RTF2: variants seen among roughly 807,000 people sequenced by gnomAD.
RTF2 encodes the protein replication termination factor 2.
RTF2 carries 18 observed loss-of-function variants against 38.0 expected under a neutral mutation model. The observed-to-expected ratio is 0.47, with a 90% CI of 0.33 to 0.70. RTF2 has a LOEUF of 0.70. RTF2 is among the 30% of genes least tolerant of loss of function. The pLI is 0.02. For synonymous variants in RTF2, 126 were observed against 137.1 expected (o/e 0.92, Z 0.57); for missense variants, 311 against 379.6 (o/e 0.82, Z 1.50).
At chr20:56,516,797 C>A (rs1985067117) in intron 6 of RTF2, 138 bp from the exon 7 acceptor site, 1 of 757,290 alleles carries the variant, frequency 1.3e-6, no homozygotes, top group Non-Finnish European at 2.3e-6. Context: ...CATCAAAAGC[C>A]TTCTTCAGAG....
intron 5 of RTF2, among the ~76,000 whole-genome samples, chr20:56,510,002 A>G (rs1486225997): frequency 1.3e-5 from 2 of 151,446 alleles, no homozygotes; most frequent in African/African-American, 2.4e-5. Context: ...AAAAAAAAAC[A>G]TGTATATTGT....
chr20:56,473,420 A>G (rs1982071560), intron 2 of RTF2, 25 bp downstream of exon 2: 1 of 1,493,276 alleles, frequency 6.7e-7, no homozygotes, highest in Non-Finnish European at 9.2e-7. Context: ...CTTAATCAAG[A>G]TGAGTTTGTT....
intron 8 of RTF2, 108 bp downstream of exon 8, chr20:56,517,309 A>G (rs888364792): frequency 1.2e-5 from 10 of 817,238 alleles, no homozygotes; most frequent in Admixed American, 6.1e-5. Flanking sequence ...AGCCTGTCCT[A>G]TGTCATGTCT....
chr20:56,517,099 T>A lies in RTF2; in HGVS notation c.647-7T>A. On this transcript the variant is annotated splice_region_variant and splice_polypyrimidine_tract_variant and intron_variant, in intron 7 of 8. Transcript: ENST00000357348. Reference sequence around the variant, plus strand: ...TTTTTGCTTTGCCTACTTTGTTTCTTTTACAGAAGCCCCAGGGCCATCAAA... The same window carrying A: ...TTTTTGCTTTGCCTACTTTGTTTCTATTACAGAAGCCCCAGGGCCATCAAA... The A allele has an allele frequency of 6.2e-7, 1 of 1,614,054 alleles. No homozygotes were observed. Among genetic ancestry groups the A allele is most frequent in the Non-Finnish European group, 8.5e-7 (1 of 1,179,932 alleles).
rs1043584284 is a variant in RTF2, at chr20:56,518,447, G to C, written c.*182G>C. ...TGTGAGGCGTGTCGGTTCCAGGGGG[G>C]ACATGGGAGGGGCTGCACAGTGGCC... On this transcript the variant is annotated 3_prime_UTR_variant, in exon 9 of 9. Transcript: ENST00000357348. 1.7e-6 allele frequency: 1 copy of C among 577,528 alleles called. No individual in the cohort carries two copies. Among genetic ancestry groups the C allele is most frequent in the Admixed American group, 3.5e-5 (1 of 28,722 alleles). 35.8% of individuals were successfully genotyped at this position (577,528 alleles called of 1,614,324 possible).
rs994340875 is a variant in RTF2, at chr20:56,518,815, C to G, written c.*550C>G. The G allele has an allele frequency of 6.6e-6, 1 of 152,148 alleles. No homozygotes were observed. Among genetic ancestry groups the G allele is most frequent in the Non-Finnish European group, 1.5e-5 (1 of 68,048 alleles). 9.4% of individuals were successfully genotyped at this position (152,148 alleles called of 1,614,324 possible). A position where few individuals can be genotyped will look rare whatever the true frequency, so the allele number is the denominator to read the frequency against. The stretch of plus-strand genomic sequence containing the variant: ...GGGAGTGTGCCCCATCTCATCATTT[C>G]GAAGATAGCAGAGTCATAGTTGGGC... On this transcript the variant is annotated 3_prime_UTR_variant, in exon 9 of 9. Transcript: ENST00000357348.
At chr20:56,482,637 G>T (rs750357743) in intron 4 of RTF2, among the ~76,000 whole-genome samples, 1 of 152,216 alleles carries the variant, frequency 6.6e-6, no homozygotes, top group Non-Finnish European at 1.5e-5. Flanking sequence ...TAATTTGTAA[G>T]TATCTATAAA....
intron 5 of RTF2, among the ~76,000 whole-genome samples, chr20:56,508,268 AT>A (rs1394240650): frequency 6.6e-6 from 1 of 152,046 alleles, no homozygotes; most frequent in African/African-American, 2.4e-5. Context: ...CATTTGGGAG[AT>A]TCTGGAAAAT....
intron 5 of RTF2, chr20:56,496,798 G>A: frequency 1.3e-6 from 2 of 1,552,058 alleles, no homozygotes; most frequent in Non-Finnish European, 1.7e-6. Flanking sequence ...GTTAAGTTAT[G>A]GGGTGGTTTG....
intron 8 of RTF2, 53 bp downstream of exon 8, chr20:56,517,254 G>A: frequency 6.8e-7 from 1 of 1,463,540 alleles, no homozygotes; most frequent in South Asian, 1.2e-5. Context: ...GGAAACCCAG[G>A]TGGCCGAGTC....
At chr20:56,468,799 G>A (rs191855780) in intron 1 of RTF2, 33 bp downstream of exon 1, 3 of 1,542,738 alleles carry the variant, frequency 1.9e-6, no homozygotes, top group Admixed American at 2.0e-5. Context: ...TGGCGACCGG[G>A]GGTGGTGGGA....
At chr20:56,498,836 A>G (rs951357063) in intron 5 of RTF2, among the ~76,000 whole-genome samples, 1 of 152,178 alleles carries the variant, frequency 6.6e-6, no homozygotes, top group Non-Finnish European at 1.5e-5. Flanking sequence ...TCAGAAGACC[A>G]TGTACGTGTG....
At chr20:56,499,270 C>T (rs576470772) in intron 5 of RTF2, among the ~76,000 whole-genome samples, 1 of 148,198 alleles carries the variant, frequency 6.7e-6, no homozygotes, top group Non-Finnish European at 1.5e-5. Flanking sequence ...GATCTCGGCT[C>T]ACCACAATCT....
At chr20:56,471,418 AG>A (rs1981956752) in intron 1 of RTF2, among the ~76,000 whole-genome samples, 1 of 152,104 alleles carries the variant, frequency 6.6e-6, no homozygotes, top group Non-Finnish European at 1.5e-5. Context: ...AATACAAAAA[AG>A]TTGCCGGGCA....
At chr20:56,497,045 C>T (rs376230577) in intron 5 of RTF2, 2 of 1,551,692 alleles carry the variant, frequency 1.3e-6, no homozygotes, top group Admixed American at 3.9e-5. Context: ...CTAGAACTTT[C>T]ATACAATTAA....
chr20:56,505,203 C>G (rs954216137), intron 5 of RTF2, among the ~76,000 whole-genome samples: 1 of 152,064 alleles, frequency 6.6e-6, no homozygotes. Context: ...GAAACATGTC[C>G]TTGCTGGGTG....
intron 5 of RTF2, chr20:56,491,631 GC>G: frequency 6.4e-7 from 1 of 1,551,902 alleles, no homozygotes; most frequent in Middle Eastern, 1.7e-4. Context: ...ACTTCTGCCT[GC>G]CTCAGCACTT....
Position 56,489,226 on chromosome 20 carries a change from T to TG in RTF2, c.477+5037_477+5038insG, listed in dbSNP as rs1050559398. On this transcript the variant is annotated intron_variant, in intron 5 of 8. Coordinates refer to ENST00000357348, the MANE Select transcript of RTF2 (RefSeq NM_016407.5). ...GCCCACCACCATGCCTGGTTATTTT[T>TG]TTTTTTTTTTTGTATTTTTAGTAGA... 3.3e-5 allele frequency among the ~76,000 whole-genome samples: 5 copies of TG among 150,946 alleles called. 1 individual carries two copies. The highest frequency in any genetic ancestry group is 1.9e-4 in the East Asian group (1 of 5,130).
At chr20:56,495,157 G>C in intron 5 of RTF2, 1 of 1,360,512 alleles carries the variant, frequency 7.4e-7, no homozygotes, top group Non-Finnish European at 1.0e-6. Flanking sequence ...TATAGTTGTT[G>C]TAAAATTTGA....
Sources: gnomAD v4.1 joint callset for allele counts (sites outside exome capture counted in the v4.1 genomes callset) on GRCh38, gnomAD v4.1.1 for gene constraint, MANE v1.5 for transcripts, NCBI Gene and HGNC (gene_info 2026-07-23, HGNC 2026-07-21) for gene names.